Variants in TTLL11 observed in about 807,000 individuals in gnomAD.
TTLL11 encodes the protein tubulin tyrosine ligase like 11.
A neutral mutation model predicts 51.7 loss-of-function variants in TTLL11; 42 were observed. The observed-to-expected ratio is 0.81, with a 90% CI of 0.64 to 1.05. The LOEUF is 1.05. Ranked by LOEUF, TTLL11 falls within the 50% of genes least tolerant of loss-of-function variation. The pLI is 0.00. For synonymous variants in TTLL11, 381 were observed against 383.5 expected, an observed-to-expected ratio of 0.99 and a Z score of 0.08; for missense variants, 799 against 940.4, an observed-to-expected ratio of 0.85 and a Z score of 1.97.
At position 121,989,737 on chromosome 9, in the gene TTLL11, T is replaced by G; in HGVS notation, c.727A>C (p.Lys243Gln). 1 of 1,608,600 alleles carries G rather than the reference T, an allele frequency of 6.2e-7. No homozygotes were observed. The highest frequency in any genetic ancestry group is 8.5e-7 in the Non-Finnish European group (1 of 1,175,890). The part of the protein sequence containing the change: ...QMVKDDDPSW[K>Q]PTFIVKPDGG... The stretch of plus-strand genomic sequence containing the variant: ...TCAGGTTTCACGATAAAAGTGGGCT[T>G]CCAGGAGGGGTCATCGTCTTTCACC... Residue 243 changes from lysine (K) to glutamine (Q), a missense_variant, in exon 4 of 9, where the codon AAG becomes CAG. Physicochemically the swap from Lys to Gln is moderately conservative, Grantham distance 53 (BLOSUM62 1). This residue lies in a region of TTLL11 where 468 missense variants were observed against 612.8 expected (regional missense o/e 0.76). Coordinates refer to ENST00000321582, the MANE Select transcript of TTLL11 (RefSeq NM_001139442.2). The surrounding 1 kb of genome is among the most constrained non-coding windows in gnomAD (Gnocchi z 4.2).
chr9:121,839,939 T>A (rs913322942), intron 8 of TTLL11, among the ~76,000 whole-genome samples: 4 of 152,086 alleles, frequency 2.6e-5, no homozygotes, highest in Non-Finnish European at 5.9e-5. Flanking sequence ...GTGTCAAAAA[T>A]AAGACAGAGC....
intron 6 of TTLL11, among the ~76,000 whole-genome samples, chr9:121,969,000 G>C (rs917384820): frequency 2.0e-5 from 3 of 151,866 alleles, no homozygotes; most frequent in Non-Finnish European, 4.4e-5. Flanking sequence ...CTCTCAAGTA[G>C]CTGGGATTAT....
chr9:122,058,904 G>C lies in TTLL11; in HGVS notation c.463-19536C>G, dbSNP rs77436608. Among the ~76,000 whole-genome samples, 1,113 of 152,306 alleles carry C rather than the reference G, an allele frequency of 7.3e-3. 15 individuals carry two copies. The highest frequency in any genetic ancestry group is 0.026 in the African/African-American group (1,072 of 41,560). On this transcript the variant is annotated intron_variant, in intron 1 of 8. Transcript: ENST00000321582. Reference sequence around the variant, plus strand: ...GGCATTTCCCTGATGACCAGATAATGAGGCAATTGCATTAAGTGTGTGTCA... The same window carrying C: ...GGCATTTCCCTGATGACCAGATAATCAGGCAATTGCATTAAGTGTGTGTCA...
At chr9:122,002,944 C>CAA (rs547408355) in intron 3 of TTLL11, among the ~76,000 whole-genome samples, 19,662 of 60,866 alleles carry the variant, frequency 0.32, 2,802 homozygotes, top group Non-Finnish European at 0.37. Flanking sequence ...GACTCTGTCT[C>CAA]AAAAAAAAAA....
intron 7 of TTLL11, among the ~76,000 whole-genome samples, chr9:121,868,433 G>T (rs758057682): frequency 3.3e-5 from 5 of 152,196 alleles, no homozygotes; most frequent in African/African-American, 4.8e-5. Context: ...GGAAGTGGAA[G>T]TCACTAAATG....
intron 6 of TTLL11, among the ~76,000 whole-genome samples, chr9:121,934,821 A>T (rs1238094068): frequency 1.3e-5 from 2 of 152,170 alleles, no homozygotes; most frequent in Non-Finnish European, 2.9e-5. Flanking sequence ...GATTTAATTT[A>T]AAAAAAGGTT....
chr9:121,985,772 G>A (rs1180292574), intron 4 of TTLL11, among the ~76,000 whole-genome samples: 2 of 151,910 alleles, frequency 1.3e-5, no homozygotes, highest in African/African-American at 2.4e-5. Context: ...CGCCTGCCTC[G>A]GCCTCCCAAA....
chr9:122,083,266 C>T (rs577798990), intron 1 of TTLL11, among the ~76,000 whole-genome samples: 1 of 151,964 alleles, frequency 6.6e-6, no homozygotes, highest in South Asian at 2.1e-4. Flanking sequence ...TCTGGGTAGA[C>T]GTTTTAAAAA....
At chr9:121,891,479 C>T (rs568139805) in intron 6 of TTLL11, among the ~76,000 whole-genome samples, 1 of 152,304 alleles carries the variant, frequency 6.6e-6, no homozygotes, top group South Asian at 2.1e-4. Context: ...GTTTAGAAGC[C>T]ACCAGCTGAA....
intron 4 of TTLL11, among the ~76,000 whole-genome samples, chr9:121,977,861 G>A (rs1180914266): frequency 6.6e-6 from 1 of 151,950 alleles, no homozygotes; most frequent in African/African-American, 2.4e-5. Context: ...TTTTAGTAGA[G>A]ACGGGGTTTC....
At chr9:121,935,704 A>G (rs1306561313) in intron 6 of TTLL11, among the ~76,000 whole-genome samples, 2 of 152,200 alleles carry the variant, frequency 1.3e-5, no homozygotes, top group Non-Finnish European at 2.9e-5. Context: ...TGACTGGACA[A>G]AAGTGGTAAA....
intron 6 of TTLL11, among the ~76,000 whole-genome samples, chr9:121,878,534 T>C (rs1472186214): frequency 6.6e-6 from 1 of 152,186 alleles, no homozygotes; most frequent in Non-Finnish European, 1.5e-5. Context: ...CTGGGGTTGC[T>C]GCAGGCGCAT....
At chr9:122,017,044 T>C (rs149812273) in intron 3 of TTLL11, among the ~76,000 whole-genome samples, 6 of 152,300 alleles carry the variant, frequency 3.9e-5, no homozygotes, top group East Asian at 1.9e-4. Context: ...CAGGGTAACA[T>C]GGGTCTCCCT....
intron 8 of TTLL11, among the ~76,000 whole-genome samples, chr9:121,830,197 A>C (rs1020024480): frequency 6.6e-6 from 1 of 152,192 alleles, no homozygotes; most frequent in Non-Finnish European, 1.5e-5. Flanking sequence ...GAGAAAAGAG[A>C]CCCATGGAAA....
intron 6 of TTLL11, among the ~76,000 whole-genome samples, chr9:121,917,318 G>GA (rs1422949141): frequency 6.6e-6 from 1 of 150,754 alleles, no homozygotes; most frequent in Admixed American, 6.6e-5. Context: ...AAAAAAAAAT[G>GA]AAAAAAATTA....
Position 121,926,589 on chromosome 9 carries a change from G to A in TTLL11, c.1481+47420C>T, listed in dbSNP as rs183231587. Among the ~76,000 whole-genome samples the A allele has an allele frequency of 2.8e-3, 427 of 152,318 alleles. 3 individuals carry two copies. Among genetic ancestry groups the A allele is most frequent in the Non-Finnish European group, 1.6e-3 (109 of 68,030 alleles). The stretch of plus-strand genomic sequence containing the variant: ...GAGGATCCTGAGGCTGGGGAGGACA[G>A]CAGCTTGTGCCCAGTCTCGGAGCTG... On this transcript the variant is annotated intron_variant, in intron 6 of 8. Transcript: ENST00000321582.
At chr9:122,062,143 T>A (rs1164239524) in intron 1 of TTLL11, among the ~76,000 whole-genome samples, 2 of 152,134 alleles carry the variant, frequency 1.3e-5, no homozygotes, top group African/African-American at 2.4e-5. Flanking sequence ...GTAGCCAATC[T>A]CATGGGCACT....
At chr9:122,076,023 C>G (rs1295318816) in intron 1 of TTLL11, among the ~76,000 whole-genome samples, 2 of 152,186 alleles carry the variant, frequency 1.3e-5, no homozygotes, top group Admixed American at 1.3e-4. Flanking sequence ...GTGCCAGGCA[C>G]TGGAAGGACT....
rs143414615 is a variant in TTLL11, at chr9:121,894,381, A to G, written c.1482-23633T>C. Among the ~76,000 whole-genome samples, 4 of 152,344 alleles carry G rather than the reference A, an allele frequency of 2.6e-5. No homozygotes were observed. The East Asian group carries it at 7.7e-4, about 29-fold the overall frequency. On this transcript the variant is annotated intron_variant, in intron 6 of 8. Coordinates refer to ENST00000321582, the MANE Select transcript of TTLL11 (RefSeq NM_001139442.2). ...ACCAGAAATGCCATTTGATCCAGCAATCCCATTACTGGGTATATACCCGAA... is the reference window on the plus strand; with the variant it reads ...ACCAGAAATGCCATTTGATCCAGCAGTCCCATTACTGGGTATATACCCGAA...
Sources: allele counts gnomAD v4.1 joint callset (sites outside exome capture counted in the v4.1 genomes callset), GRCh38; gene constraint gnomAD v4.1.1; regional missense constraint gnomAD v4.1.1; non-coding constraint Gnocchi (gnomAD v3.1); transcripts MANE v1.5; gene names NCBI Gene and HGNC (gene_info 2026-07-23, HGNC 2026-07-21).